The following KIF1A variants were observed in gnomAD, a reference collection of about 807,000 sequenced individuals.
KIF1A encodes the protein kinesin family member 1A, also known as kinesin-like protein KIF1A.
Under a neutral mutation model 227.3 loss-of-function variants are expected in KIF1A, and 46 were observed. That is an observed-to-expected ratio of 0.20 (90% CI 0.16 to 0.26). The LOEUF (loss-of-function observed/expected upper bound fraction) is 0.26, where lower values mean the gene tolerates loss of function less well. KIF1A is among the 10% of genes least tolerant of loss of function. The pLI is 1.00. For missense variants in KIF1A, 1,683 were observed against 2,485.9 expected (o/e 0.68, Z 6.87); for synonymous variants, 1,022 against 1,012.8 (o/e 1.01, Z -0.17).
chr2:240,719,871 C>A lies in KIF1A; in HGVS notation c.4924G>T (p.Ala1642Ser), dbSNP rs34495497. The part of the protein sequence containing the change: ...ASPEPELLPE[A>S]DSKKLPSPAR... ...GGGGAAGGGAGCTTCTTGGAGTCGG[C>A]CTCTGGCAGCAGCTCGGGCTCTGGG... Residue 1642 changes from alanine (A) to serine (S), a missense_variant, in exon 46 of 49, where the codon GCC (alanine) becomes TCC (serine). Physicochemically the swap from Ala to Ser is moderately conservative, Grantham distance 99 (BLOSUM62 1). This residue lies in a region of KIF1A where 384 missense variants were observed against 410.1 expected (regional missense o/e 0.94). Transcript: ENST00000498729. The A allele has an allele frequency of 6.2e-7, 1 of 1,611,946 alleles. No individual in the cohort carries two copies. Among genetic ancestry groups the A allele is most frequent in the Admixed American group, 1.7e-5 (1 of 59,952 alleles).
At chr2:240,772,691 G>T in intron 13 of KIF1A, 95 bp from the exon 14 acceptor site, 2 of 1,039,954 alleles carry the variant, frequency 1.9e-6, no homozygotes, top group Non-Finnish European at 2.9e-6. Context: ...CACAGGCCAG[G>T]GTGGCCAGCA....
At position 240,719,796 on chromosome 2, in the gene KIF1A, C is replaced by T. The variant is rs754893576; in HGVS notation, c.4999G>A (p.Asp1667Asn). 61 of 1,598,460 alleles carry T rather than the reference C, an allele frequency of 3.8e-5. No individual in the cohort carries two copies. The highest frequency in any genetic ancestry group is 3.2e-5 in the Non-Finnish European group (38 of 1,172,244). The change falls in exon 46 of 49, where the codon GAC becomes AAC. Residue 1667 changes from aspartate (D) to asparagine (N), a missense_variant. By Grantham distance (23) the Asp-to-Asn change is conservative. Around this residue, in one of 12 missense-constraint regions of KIF1A, gnomAD observed 384 missense variants for 410.1 expected, o/e 0.94. Transcript: ENST00000498729. ...DKEPQRLLVP[D>N]IQEIRVSPIV... is the part of the protein sequence containing the mutation. The stretch of plus-strand genomic sequence containing the variant: ...CACCTGACTCGGATCTCCTGGATGT[C>T]AGGGACCAGCAGGCGCTGGGGCTCC...
At chr2:240,735,015 C>T (rs1387562461) in intron 38 of KIF1A, among the ~76,000 whole-genome samples, 1 of 152,174 alleles carries the variant, frequency 6.6e-6, no homozygotes, top group African/African-American at 2.4e-5. Flanking sequence ...CATCATGGGG[C>T]TGAGGACGCC....
intron 29 of KIF1A, 84 bp from the exon 30 acceptor site, chr2:240,746,261 G>A (rs1369364522): frequency 6.7e-7 from 1 of 1,491,800 alleles, no homozygotes; most frequent in Non-Finnish European, 9.0e-7. Flanking sequence ...GCCCACGGGA[G>A]GGCTGTGCCA....
Position 240,788,025 on chromosome 2 carries a change from G to GCCCCCCCCCCCCCC in KIF1A, c.363+25_363+26insGGGGGGGGGGGGGG. 6.8e-7 allele frequency: 1 copy of GCCCCCCCCCCCCCC among 1,466,780 alleles called. No homozygotes were observed. The highest frequency in any genetic ancestry group is 9.3e-7 in the Non-Finnish European group (1 of 1,073,804). The allele number at this position is 1,466,780 out of a possible 1,614,324, so 90.9% of individuals were successfully genotyped here. A position where few individuals can be genotyped will look rare whatever the true frequency, so the allele number is the denominator to read the frequency against. ...TGGTCCCGCCCCATCTGCCAGGGCT[G>GCCCCCCCCCCCCCC]CCCCCGCCCGCCCCCCGCTTCGTGC... is the stretch of plus-strand genomic sequence containing the variant. On this transcript the variant is annotated intron_variant, in intron 4 of 48. Coordinates refer to ENST00000498729, the MANE Select transcript of KIF1A (RefSeq NM_001244008.2). The surrounding 1 kb of genome is among the most constrained non-coding windows in gnomAD (Gnocchi z 6.6).
chr2:240,766,735 T>TCC lies in KIF1A; in HGVS notation c.1684+179_1684+180insGG, dbSNP rs1470425008. 2.0e-3 allele frequency among the ~76,000 whole-genome samples: 251 copies of TCC among 122,602 alleles called. No homozygotes were observed. Among genetic ancestry groups the TCC allele is most frequent in the African/African-American group, 8.5e-3 (244 of 28,824 alleles). The allele number at this position is 122,602 out of a possible 152,430, so 80.4% of individuals were successfully genotyped here. A position where few individuals can be genotyped will look rare whatever the true frequency, so the allele number is the denominator to read the frequency against. Reference sequence around the variant, plus strand: ...CTCTCTCTCCAAATCTCTCTCTCTCTCTCTCTCTCTCTCTCACACACACAC... The same window carrying TCC: ...CTCTCTCTCCAAATCTCTCTCTCTCTCCCTCTCTCTCTCTCTCACACACACAC... On this transcript the variant is annotated intron_variant, in intron 19 of 48. Coordinates refer to ENST00000498729, the MANE Select transcript of KIF1A (RefSeq NM_001244008.2). This position sits in a 1 kb window ranked among gnomAD's most constrained non-coding sequence, Gnocchi z 5.0.
Position 240,775,653 on chromosome 2 carries a change from G to A in KIF1A, c.958+198C>T, listed in dbSNP as rs999411648. 3.9e-5 allele frequency among the ~76,000 whole-genome samples: 6 copies of A among 152,274 alleles called. No individual in the cohort carries two copies. The East Asian group carries it at 9.7e-4, about 25-fold the overall frequency. ...CTGTCCTGGTTCCCACACTCGCTTC[G>A]TTAACCCACTGCTGGCCGTTGCCCC... On this transcript the variant is annotated intron_variant, in intron 11 of 48. Coordinates refer to ENST00000498729, the MANE Select transcript of KIF1A (RefSeq NM_001244008.2). This position sits in a 1 kb window ranked among gnomAD's most constrained non-coding sequence, Gnocchi z 5.5.
At chr2:240,768,852 C>T (rs559298035) in intron 17 of KIF1A, among the ~76,000 whole-genome samples, 119 of 152,294 alleles carry the variant, frequency 7.8e-4, no homozygotes, top group Non-Finnish European at 1.4e-3. Context: ...GGCTCCTCAG[C>T]CTTGCTCTGA....
At chr2:240,807,092 G>A (rs1189504827) in intron 1 of KIF1A, among the ~76,000 whole-genome samples, 24 of 91,306 alleles carry the variant, frequency 2.6e-4, no homozygotes, top group East Asian at 5.6e-4. Context: ...GTGTGTGTGT[G>A]TGTGTGTGTG....
chr2:240,731,739 C>T (rs971408012), intron 38 of KIF1A, among the ~76,000 whole-genome samples: 2 of 152,212 alleles, frequency 1.3e-5, no homozygotes, highest in Non-Finnish European at 2.9e-5. Flanking sequence ...TGGGAAGACC[C>T]CCACAGTCCC....
In KIF1A at chr2:240,790,556, C is replaced by T. The variant is rs1199775637; in HGVS notation, c.107-1244G>A. Among the ~76,000 whole-genome samples the T allele has an allele frequency of 2.0e-5, 3 of 151,920 alleles. No homozygotes were observed. Among genetic ancestry groups the T allele is most frequent in the Non-Finnish European group, 4.4e-5 (3 of 67,984 alleles). ...CCAGTTACGAGTTAAACTGTGTCCC[C>T]CTAATTTCATATTTTGAAGCCTTTA... is the stretch of plus-strand genomic sequence containing the variant. On this transcript the variant is annotated intron_variant, in intron 2 of 48. Transcript: ENST00000498729. The surrounding 1 kb of genome is among the most constrained non-coding windows in gnomAD (Gnocchi z 5.0).
At chr2:240,796,969 G>A (rs1362616890) in intron 2 of KIF1A, among the ~76,000 whole-genome samples, 3 of 152,210 alleles carry the variant, frequency 2.0e-5, no homozygotes, top group Non-Finnish European at 2.9e-5. Context: ...CCTGTGAATG[G>A]GAAGGCTGTC....
Position 240,763,337 on chromosome 2 carries a change from AT to A in KIF1A, c.1777del (p.Ile593SerfsTer51). On this transcript the variant is annotated frameshift_variant, in exon 21 of 49. Transcript: ENST00000498729. LOFTEE classifies it high-confidence loss of function. ...EPSILRSGNR[I>X]IMGKSHVFRF... Reference sequence around the variant, plus strand: ...GAACACATGGCTCTTACCCATGATGATGCGGTTTCCTGGGGAACAGAGGGAC... The same window carrying A: ...GAACACATGGCTCTTACCCATGATGAGCGGTTTCCTGGGGAACAGAGGGAC... The A allele has an allele frequency of 6.3e-7, 1 of 1,578,462 alleles. No homozygotes were observed. The highest frequency in any genetic ancestry group is 8.6e-7 in the Non-Finnish European group (1 of 1,162,954).
rs1324627661 is a variant in KIF1A, at chr2:240,747,207, G to A, written c.3063+29C>T. On this transcript the variant is annotated intron_variant, in intron 29 of 48. Coordinates refer to ENST00000498729, the MANE Select transcript of KIF1A (RefSeq NM_001244008.2). Reference sequence around the variant, plus strand: ...CTCCAGTGAGCGCCAGGCACCTCCAGGTCTGGGACTCGGGAGGGAGCTTGG... The same window carrying A: ...CTCCAGTGAGCGCCAGGCACCTCCAAGTCTGGGACTCGGGAGGGAGCTTGG... The A allele has an allele frequency of 3.8e-6, 6 of 1,577,816 alleles. No homozygotes were observed. In the East Asian group the frequency reaches 9.0e-5, roughly 24 times the overall value.
intron 1 of KIF1A, among the ~76,000 whole-genome samples, chr2:240,798,955 C>G (rs1030825454): frequency 6.6e-6 from 1 of 151,648 alleles, no homozygotes; most frequent in East Asian, 2.0e-4. Flanking sequence ...TGGGAGGCCT[C>G]CTTGAAACCC....
At chr2:240,816,886 C>T (rs1183740394) in intron 1 of KIF1A, among the ~76,000 whole-genome samples, 1 of 152,226 alleles carries the variant, frequency 6.6e-6, no homozygotes, top group Non-Finnish European at 1.5e-5. Context: ...CTCTGCCCCA[C>T]AGCACCCCCA....
chr2:240,720,146 C>A, intron 45 of KIF1A: 1 of 437,858 alleles, frequency 2.3e-6, no homozygotes, highest in Non-Finnish European at 4.0e-6. Flanking sequence ...TGGGCAGGGT[C>A]CCCCAGGAAC....
At chr2:240,717,994 A>G (rs919781841) in intron 48 of KIF1A, 56 bp downstream of exon 48, 1 of 1,133,190 alleles carries the variant, frequency 8.8e-7, no homozygotes, top group African/African-American at 1.5e-5. Context: ...CCTGGCCAGG[A>G]GCCGGTTGAG....
At chr2:240,755,625 C>T (rs746258978) in intron 27 of KIF1A, among the ~76,000 whole-genome samples, 4 of 152,210 alleles carry the variant, frequency 2.6e-5, no homozygotes, top group Admixed American at 1.3e-4. Flanking sequence ...CAGACCACCC[C>T]GCAATATGGG....
Sources: allele counts gnomAD v4.1 joint callset (sites outside exome capture counted in the v4.1 genomes callset), GRCh38; gene constraint gnomAD v4.1.1; regional missense constraint gnomAD v4.1.1; non-coding constraint Gnocchi (gnomAD v3.1); transcripts MANE v1.5; gene names NCBI Gene and HGNC (gene_info 2026-07-23, HGNC 2026-07-21).